The following THEMIS2 variants were observed in gnomAD, a reference collection of about 807,000 sequenced individuals.
THEMIS2 encodes the protein protein THEMIS2.
Under a neutral mutation model 46.8 loss-of-function variants are expected in THEMIS2, and 29 were observed. The ratio of observed to expected loss-of-function variants is 0.62; its 90% confidence interval spans 0.46 to 0.84. THEMIS2 has a LOEUF of 0.84. THEMIS2 is among the 40% of genes least tolerant of loss of function. THEMIS2 has a pLI of 0.00. For synonymous variants in THEMIS2, 335 were observed against 349.1 expected, an observed-to-expected ratio of 0.96 and a Z score of 0.45; for missense variants, 698 against 834.7, an observed-to-expected ratio of 0.84 and a Z score of 2.02.
At position 27,873,492 on chromosome 1, in the gene THEMIS2, C is replaced by T. The variant is rs962757181; in HGVS notation, c.94+827C>T. ...TCCTTCCTTAGAGAGCGAACTGAGG[C>T]TTGAAGGCCCTGCCCCATCCTGTTC... On this transcript the variant is annotated intron_variant, in intron 1 of 5. Transcript: ENST00000373921. 2.0e-5 allele frequency among the ~76,000 whole-genome samples: 3 copies of T among 152,066 alleles called. No homozygotes were observed. In the South Asian group the frequency reaches 6.2e-4, roughly 32 times the overall value.
In THEMIS2 at chr1:27,886,104, G is replaced by C; in HGVS notation, c.*182G>C. The C allele has an allele frequency of 3.3e-6, 2 of 606,492 alleles. No homozygotes were observed. Among genetic ancestry groups the C allele is most frequent in the East Asian group, 2.9e-5 (1 of 34,822 alleles). The allele number at this position is 606,492 out of a possible 1,614,324, so 37.6% of individuals were successfully genotyped here. ...AGCTTCCTTCAGGTTCTAGATTCTT[G>C]CTACTTAGGGCGGGCTGGTTTGGAC... is the stretch of plus-strand genomic sequence containing the variant. On this transcript the variant is annotated 3_prime_UTR_variant, in exon 6 of 6. Transcript: ENST00000373921.
At position 27,872,818 on chromosome 1, in the gene THEMIS2, C is replaced by T. The variant is rs1198936390; in HGVS notation, c.94+153C>T. Among the ~76,000 whole-genome samples, 1 of 152,220 alleles carries T rather than the reference C, an allele frequency of 6.6e-6. No individual in the cohort carries two copies. The highest frequency in any genetic ancestry group is 1.5e-5 in the Non-Finnish European group (1 of 68,038). On this transcript the variant is annotated intron_variant, in intron 1 of 5. Transcript: ENST00000373921. This position sits in a 1 kb window ranked among gnomAD's most constrained non-coding sequence, Gnocchi z 4.9. ...CTGTGTGATTTGGGGCCGCACTCAA[C>T]CTCTTTGGACCTCGGCTTTTGCTTT...
chr1:27,881,914 G>T, intron 3 of THEMIS2, 57 bp from the exon 4 acceptor site: 1 of 1,431,764 alleles, frequency 7.0e-7, no homozygotes, highest in Non-Finnish European at 9.6e-7. Flanking sequence ...TCTATGCCTG[G>T]GGTGGGGGCC....
In THEMIS2 at chr1:27,880,000, C is replaced by A; in HGVS notation, c.592C>A (p.Pro198Thr). The change falls in exon 3 of 6, where the codon CCC becomes ACC. Residue 198 changes from proline (P) to threonine (T), a missense_variant. Pro to Thr is a conservative substitution (Grantham distance 38). Transcript: ENST00000373921. ...KDLVLTCPTL[P>T]WHSLILRPQY... ...CCTCGTCCTCACCTGCCCCACCCTG[C>A]CCTGGCATTCCCTGATCCTGCGGCC... is the stretch of plus-strand genomic sequence containing the variant. The A allele has an allele frequency of 6.2e-7, 1 of 1,611,434 alleles. No homozygotes were observed. Among genetic ancestry groups the A allele is most frequent in the South Asian group, 1.1e-5 (1 of 90,870 alleles).
Position 27,882,902 on chromosome 1 carries a change from C to T in THEMIS2, c.1578C>T (p.Ala526=). 6.2e-7 allele frequency: 1 copy of T among 1,613,966 alleles called. No individual in the cohort carries two copies. The highest frequency in any genetic ancestry group is 8.5e-7 in the Non-Finnish European group (1 of 1,179,998). The change falls in exon 4 of 6, where the codon GCC becomes GCT. Residue 526 remains alanine (A), a synonymous_variant. Coordinates refer to ENST00000373921, the MANE Select transcript of THEMIS2 (RefSeq NM_001105556.3). This position sits in a 1 kb window ranked among gnomAD's most constrained non-coding sequence, Gnocchi z 7.6. ...PDLPEGSLPI[A]TVEELTDTFY... is the part of the protein sequence containing the mutation. ...TGCCAGAGGGGTCTCTCCCCATAGC[C>T]ACAGTGGAGGAGCTGACAGACACCT...
Position 27,882,892 on chromosome 1 carries a change from T to C in THEMIS2, c.1568T>C (p.Leu523Pro), listed in dbSNP as rs893576334. The change falls in exon 4 of 6, where the codon CTC (leucine) becomes CCC (proline). Residue 523 changes from leucine (L) to proline (P), a missense_variant. Coordinates refer to ENST00000373921, the MANE Select transcript of THEMIS2 (RefSeq NM_001105556.3). This position sits in a 1 kb window ranked among gnomAD's most constrained non-coding sequence, Gnocchi z 7.6. ...CAGCCAGACTTGCCAGAGGGGTCTCTCCCCATAGCCACAGTGGAGGAGCTG... is the reference window on the plus strand; with the variant it reads ...CAGCCAGACTTGCCAGAGGGGTCTCCCCCCATAGCCACAGTGGAGGAGCTG... ...KGQPDLPEGSLPIATVEELTD... is the reference protein window; with the variant it reads ...KGQPDLPEGSPPIATVEELTD... 1 of 1,613,686 alleles carries C rather than the reference T, an allele frequency of 6.2e-7. No individual in the cohort carries two copies. Among genetic ancestry groups the C allele is most frequent in the Non-Finnish European group, 8.5e-7 (1 of 1,179,922 alleles).
At chr1:27,874,439 G>A (rs115004350) in intron 1 of THEMIS2, among the ~76,000 whole-genome samples, 2,303 of 151,848 alleles carry the variant, frequency 0.015, 57 homozygotes, top group African/African-American at 0.053. Flanking sequence ...CTAGGAGTTC[G>A]AGATCAGCCC....
At chr1:27,885,114 C>T (rs1336603531) in intron 4 of THEMIS2, 181 bp from the exon 5 acceptor site, 5 of 609,030 alleles carry the variant, frequency 8.2e-6, no homozygotes, top group Non-Finnish European at 1.4e-5. Flanking sequence ...CCCTTTCTCC[C>T]TTGCCAGAGA....
Position 27,872,809 on chromosome 1 carries a change from C to A in THEMIS2, c.94+144C>A. 1.6e-6 allele frequency: 1 copy of A among 637,536 alleles called. No homozygotes were observed. The allele number at this position is 637,536 out of a possible 1,614,324, so 39.5% of individuals were successfully genotyped here. On this transcript the variant is annotated intron_variant, in intron 1 of 5. Coordinates refer to ENST00000373921, the MANE Select transcript of THEMIS2 (RefSeq NM_001105556.3). This position sits in a 1 kb window ranked among gnomAD's most constrained non-coding sequence, Gnocchi z 4.9. ...CTGGCCAAGCTGTGTGATTTGGGGCCGCACTCAACCTCTTTGGACCTCGGC... is the reference window on the plus strand; with the variant it reads ...CTGGCCAAGCTGTGTGATTTGGGGCAGCACTCAACCTCTTTGGACCTCGGC...
At chr1:27,881,865 G>T in intron 3 of THEMIS2, 106 bp from the exon 4 acceptor site, 25 of 764,938 alleles carry the variant, frequency 3.3e-5, no homozygotes, top group Non-Finnish European at 4.7e-5. Context: ...AGAAAGAAAA[G>T]ACAGCAGCGG....
intron 4 of THEMIS2, chr1:27,883,966 A>C (rs1247460376): frequency 4.6e-5 from 7 of 152,124 alleles, no homozygotes; most frequent in Admixed American, 4.6e-4. Context: ...TGGGGTCAGA[A>C]AGACTAAGTT....
Position 27,878,106 on chromosome 1 carries a change from G to C in THEMIS2, c.235+1378G>C, listed in dbSNP as rs569900440. 1.3e-3 allele frequency among the ~76,000 whole-genome samples: 182 copies of C among 136,388 alleles called. 1 individual carries two copies. Among genetic ancestry groups the C allele is most frequent in the African/African-American group, 5.0e-3 (173 of 34,352 alleles). The allele number at this position is 136,388 out of a possible 152,430, so 89.5% of individuals were successfully genotyped here. A position where few individuals can be genotyped will look rare whatever the true frequency, so the allele number is the denominator to read the frequency against. ...TGGAGGTTGCAGCCTGTGCAATAGA[G>C]AGAGACTCTGTCTCTCAAAAAAAAA... On this transcript the variant is annotated intron_variant, in intron 2 of 5. Coordinates refer to ENST00000373921, the MANE Select transcript of THEMIS2 (RefSeq NM_001105556.3).
In THEMIS2 at chr1:27,882,304, G is replaced by C; in HGVS notation, c.980G>C (p.Arg327Pro). ...SGGYQGKLRR[R>P]PREFPTAYDL... ...GGCTACCAAGGCAAGCTGCGGCGGC[G>C]GCCAAGGGAGTTCCCCACGGCCTAT... Residue 327 changes from arginine (R) to proline (P), a missense_variant, in exon 4 of 6, where the codon CGG (arginine) becomes CCG (proline). By Grantham distance (103) the Arg-to-Pro change is moderately radical. Coordinates refer to ENST00000373921, the MANE Select transcript of THEMIS2 (RefSeq NM_001105556.3). The surrounding 1 kb of genome is among the most constrained non-coding windows in gnomAD (Gnocchi z 7.6). The C allele has an allele frequency of 6.3e-7, 1 of 1,599,164 alleles. No homozygotes were observed.
chr1:27,879,726 G>C lies in THEMIS2; in HGVS notation c.318G>C (p.Gln106His). ...CTGCCACAACTCAGAGCTCCAAGCA[G>C]CTGCCCACTTGCTTCATGTCGACCC... ...LVSATTQSSK[Q>H]LPTCFMSTHR... Residue 106 changes from glutamine to histidine, a missense_variant, in exon 3 of 6, where the codon CAG becomes CAC. Gln to His is a conservative substitution (Grantham distance 24). Coordinates refer to ENST00000373921, the MANE Select transcript of THEMIS2 (RefSeq NM_001105556.3). 6.2e-7 allele frequency: 1 copy of C among 1,614,066 alleles called. No homozygotes were observed. Among genetic ancestry groups the C allele is most frequent in the Non-Finnish European group, 8.5e-7 (1 of 1,179,994 alleles).
intron 4 of THEMIS2, 87 bp downstream of exon 4, chr1:27,883,130 C>G (rs749152456): frequency 2.5e-6 from 3 of 1,181,152 alleles, no homozygotes; most frequent in Non-Finnish European, 3.6e-6. Context: ...GTTTCTCTTG[C>G]AACTGTGTAA....
In THEMIS2 at chr1:27,879,906, C is replaced by T; in HGVS notation, c.498C>T (p.Pro166=). The T allele has an allele frequency of 6.2e-7, 1 of 1,612,030 alleles. No individual in the cohort carries two copies. The highest frequency in any genetic ancestry group is 8.5e-7 in the Non-Finnish European group (1 of 1,179,058). The stretch of plus-strand genomic sequence containing the variant: ...ACCTGCCCCTATCCCAGAAGGGGCC[C>T]TTCTGGACATGGGAGCCTAGTGCCC... ...ILHLPLSQKG[P]FWTWEPSAPR... Residue 166 remains proline (P), a synonymous_variant, in exon 3 of 6, where the codon CCC becomes CCT. Transcript: ENST00000373921.
chr1:27,875,325 G>A (rs574839984), intron 1 of THEMIS2, among the ~76,000 whole-genome samples: 1 of 152,360 alleles, frequency 6.6e-6, no homozygotes, highest in East Asian at 1.9e-4. Context: ...CTCCGCAAGA[G>A]CAGTCATGGG....
chr1:27,886,403 A>G lies in THEMIS2; in HGVS notation c.*481A>G, dbSNP rs2089773478. On this transcript the variant is annotated 3_prime_UTR_variant, in exon 6 of 6. Transcript: ENST00000373921. Reference sequence around the variant, plus strand: ...TCATCTCTGTAGCACCAAGCCTGATAGATCTGTATATGGTAAACAGGGGTT... The same window carrying G: ...TCATCTCTGTAGCACCAAGCCTGATGGATCTGTATATGGTAAACAGGGGTT... 5.9e-6 allele frequency: 1 copy of G among 170,782 alleles called. No individual in the cohort carries two copies. Among genetic ancestry groups the G allele is most frequent in the South Asian group, 1.2e-4 (1 of 8,532 alleles). The allele number at this position is 170,782 out of a possible 1,614,324, so 10.6% of individuals were successfully genotyped here. A position where few individuals can be genotyped will look rare whatever the true frequency, so the allele number is the denominator to read the frequency against.
At chr1:27,885,489 G>C (rs1262941618) in intron 5 of THEMIS2, 38 bp downstream of exon 5, 5 of 1,603,024 alleles carry the variant, frequency 3.1e-6, no homozygotes, top group Admixed American at 1.7e-5. Flanking sequence ...TTGTCCTTGT[G>C]TCTCCCCTCC....
Sources: gnomAD v4.1 joint callset for allele counts (sites outside exome capture counted in the v4.1 genomes callset) on GRCh38, gnomAD v4.1.1 for gene constraint, Gnocchi (gnomAD v3.1) non-coding constraint, MANE v1.5 for transcripts, NCBI Gene and HGNC (gene_info 2026-07-23, HGNC 2026-07-21) for gene names.